The following OFD1 variants were observed in gnomAD, a reference collection of about 807,000 sequenced individuals.
The protein encoded by OFD1 is centriole and centriolar satellite protein OFD1.
OFD1 carries 12 observed loss-of-function variants against 81.4 expected under a neutral mutation model. The observed-to-expected ratio is 0.15, with a 90% confidence interval of 0.09 to 0.24. The LOEUF (loss-of-function observed/expected upper bound fraction) is 0.24, where lower values mean the gene tolerates loss of function less well. OFD1 is among the 10% of genes least tolerant of loss of function. The pLI is 1.00. For synonymous variants in OFD1, 256 were observed against 263.7 expected, an observed-to-expected ratio of 0.97 and a Z score of 0.28; for missense variants, 685 against 733.9, an observed-to-expected ratio of 0.93 and a Z score of 0.77.
intron 10 of OFD1, among the ~76,000 whole-genome samples, chrX:13,752,429 T>C (rs373896797): frequency 8.9e-6 from 1 of 112,583 alleles, no homozygotes; most frequent in East Asian, 2.8e-4. Flanking sequence ...GCCTTTCTCA[T>C]AATTTGTCAT....
At chrX:13,757,864 C>G in intron 14 of OFD1, 74 bp downstream of exon 14, 1 of 1,081,323 alleles carries the variant, frequency 9.2e-7, no homozygotes, top group South Asian at 1.9e-5. Flanking sequence ...GCACAAGTCA[C>G]ACTAGTGTAA....
intron 9 of OFD1, among the ~76,000 whole-genome samples, 182 bp from the exon 10 acceptor site, chrX:13,751,067 T>A (rs942320980): frequency 8.9e-6 from 1 of 112,186 alleles, no homozygotes; most frequent in African/African-American, 3.2e-5. Context: ...CTAGTTTCAA[T>A]ATGCTGTAAC....
intron 14 of OFD1, among the ~76,000 whole-genome samples, 173 bp from the exon 15 acceptor site, chrX:13,758,164 T>A (rs774306174): frequency 1.8e-5 from 2 of 110,843 alleles, no homozygotes; most frequent in East Asian, 5.6e-4. Context: ...AAGAACTTGT[T>A]TGTGTGTTCT....
intron 6 of OFD1, 108 bp from the exon 7 acceptor site, chrX:13,746,211 C>A: frequency 1.5e-6 from 1 of 683,432 alleles, no homozygotes; most frequent in Non-Finnish European, 2.4e-6. Flanking sequence ...TGCAGATAAT[C>A]CCTACACTTT....
At chrX:13,737,318 A>G (rs2046909508) in intron 3 of OFD1, among the ~76,000 whole-genome samples, 1 of 108,733 alleles carries the variant, frequency 9.2e-6, no homozygotes, top group Non-Finnish European at 1.9e-5. Context: ...GTTGAACATT[A>G]GTACTACTTT....
At chrX:13,715,408 G>A in the OFD1 span, 1 of 112,933 alleles carries the variant, frequency 8.9e-6, no homozygotes, top group Non-Finnish European at 1.9e-5. Flanking sequence ...GGAAGGCAGA[G>A]GTTGCAGTGA....
At chrX:13,716,015 A>C in the OFD1 span, 2 of 1,190,124 alleles carry the variant, frequency 1.7e-6, no homozygotes, top group Non-Finnish European at 2.3e-6. Context: ...TTTATATATA[A>C]ATCATAAACA....
At chrX:13,762,716 TAA>T (rs1254777980) in intron 18 of OFD1, among the ~76,000 whole-genome samples, 1 of 112,685 alleles carries the variant, frequency 8.9e-6, no homozygotes, top group East Asian at 2.7e-4. Context: ...AGATTTTAAA[TAA>T]GTGATTTTTA....
chrX:13,743,441 C>T (rs1028560104), intron 5 of OFD1, among the ~76,000 whole-genome samples: 1 of 111,600 alleles, frequency 9.0e-6, no homozygotes, highest in East Asian at 2.8e-4. Flanking sequence ...CAGTGTGCAC[C>T]CTTTGTGCCC....
chrX:13,751,073 G>A (rs1205219177), intron 9 of OFD1, among the ~76,000 whole-genome samples, 176 bp from the exon 10 acceptor site: 4 of 111,976 alleles, frequency 3.6e-5, no homozygotes, highest in Non-Finnish European at 7.5e-5. Flanking sequence ...TCAATATGCT[G>A]TAACTAGGTC....
At chrX:13,731,657 C>A (rs751281976), upstream of OFD1, among the ~76,000 whole-genome samples, 28 of 111,194 alleles carry the variant, frequency 2.5e-4, no homozygotes, top group Non-Finnish European at 4.9e-4. Context: ...GTGCCAGGGA[C>A]CCAGAAAGCA....
intron 19 of OFD1, among the ~76,000 whole-genome samples, chrX:13,765,031 G>A (rs1053813399): frequency 8.9e-6 from 1 of 112,079 alleles, no homozygotes; most frequent in African/African-American, 3.2e-5. Flanking sequence ...TAATGTGATA[G>A]GATAAGGGAA....
intron 5 of OFD1, chrX:13,739,834 T>C: frequency 1.3e-6 from 1 of 753,004 alleles, no homozygotes; most frequent in South Asian, 6.7e-5. Context: ...CCATAACTAC[T>C]GTGGGTTTCA....
At chrX:13,761,767 A>T (rs751709355) in intron 17 of OFD1, among the ~76,000 whole-genome samples, 51 of 111,307 alleles carry the variant, frequency 4.6e-4, no homozygotes, top group African/African-American at 1.6e-3. Context: ...CCAGGCTATG[A>T]TTTGAGTCAT....
intron 19 of OFD1, among the ~76,000 whole-genome samples, chrX:13,766,495 T>C (rs1009985495): frequency 2.2e-4 from 24 of 110,850 alleles, no homozygotes; most frequent in Middle Eastern, 4.7e-3. Flanking sequence ...ATCAGAAATG[T>C]GGACGCGAGG....
chrX:13,758,238 GAACAA>G (rs2047787920), intron 14 of OFD1, 94 bp from the exon 15 acceptor site: 1 of 588,664 alleles, frequency 1.7e-6, no homozygotes, highest in South Asian at 2.6e-5. Flanking sequence ...GGAATTGGCA[GAACAA>G]AAAGAGTACA....
chrX:13,744,299 A>C, intron 5 of OFD1, 116 bp from the exon 6 acceptor site: 1 of 488,600 alleles, frequency 2.0e-6, no homozygotes, highest in Non-Finnish European at 3.6e-6. Flanking sequence ...GTCTCTAAAA[A>C]AAAGGAAAGA....
At chrX:13,773,019 G>C, downstream of OFD1, 6 of 1,209,957 alleles carry the variant, frequency 5.0e-6, no homozygotes, top group Non-Finnish European at 6.7e-6. Flanking sequence ...ACAGTATCAT[G>C]AGGAAGTGGA....
the OFD1 span, among the ~76,000 whole-genome samples, chrX:13,726,064 G>A: frequency 8.9e-6 from 1 of 111,954 alleles, no homozygotes; most frequent in African/African-American, 3.2e-5. Context: ...AGAGAAAAAA[G>A]AATAAAAAGA....
Sources: allele counts gnomAD v4.1 joint callset (sites outside exome capture counted in the v4.1 genomes callset), GRCh38; gene constraint gnomAD v4.1.1; transcripts MANE v1.5; gene names NCBI Gene and HGNC (gene_info 2026-07-23, HGNC 2026-07-21).